TEX35: variants seen among roughly 807,000 people sequenced by gnomAD.
The protein encoded by TEX35 is testis expressed 35.
Under a neutral mutation model 31.9 loss-of-function variants are expected in TEX35, and 26 were observed. The ratio of observed to expected loss-of-function variants is 0.81; its 90% CI spans 0.60 to 1.13. The LOEUF (loss-of-function observed/expected upper bound fraction) is 1.13, where lower values mean the gene tolerates loss of function less well. Ranked by LOEUF, TEX35 falls within the 50% of genes most tolerant of loss-of-function variation. TEX35 has a pLI of 0.00. For missense variants in TEX35, 278 were observed against 273.5 expected (o/e 1.02, Z -0.12); for synonymous variants, 87 against 90.7 (o/e 0.96, Z 0.23).
chr1:178,520,684 G>C lies in TEX35; in HGVS notation c.353G>C (p.Arg118Thr), dbSNP rs763870176. The C allele has an allele frequency of 6.2e-7, 1 of 1,613,550 alleles. No individual in the cohort carries two copies. Among genetic ancestry groups the C allele is most frequent in the South Asian group, 1.1e-5 (1 of 91,030 alleles). The change falls in exon 7 of 9, where the codon AGA (arginine) becomes ACA (threonine). Residue 118 changes from arginine (R) to threonine (T), a missense_variant. By Grantham distance (71) the Arg-to-Thr change is moderately conservative. Coordinates refer to ENST00000319416, the MANE Select transcript of TEX35 (RefSeq NM_032126.5). ...CCCTCCTCCCCCAGTCCCCTTAGAAGAGCACCAAAGGAGCAGCAGGAACTC... is the reference window on the plus strand; with the variant it reads ...CCCTCCTCCCCCAGTCCCCTTAGAACAGCACCAAAGGAGCAGCAGGAACTC... Reference protein sequence around the residue: ...TQKNYKLPLRRAPKEQQELRL... With the variant: ...TQKNYKLPLRTAPKEQQELRL...
chr1:178,521,740 C>T lies in TEX35; in HGVS notation c.586+476C>T, dbSNP rs1242569361. Reference sequence around the variant, plus strand: ...AGCTCCTTAAGATGCACAGTCAGGGCTTCTTGTCCTGTTAAATACCACCCC... The same window carrying T: ...AGCTCCTTAAGATGCACAGTCAGGGTTTCTTGTCCTGTTAAATACCACCCC... On this transcript the variant is annotated intron_variant, in intron 8 of 8. Transcript: ENST00000319416. 5 of 1,551,668 alleles carry T rather than the reference C, an allele frequency of 3.2e-6. No homozygotes were observed. The African/African-American group carries it at 4.1e-5, about 13-fold the overall frequency.
At chr1:178,516,047 A>G in intron 4 of TEX35, 132 bp downstream of exon 4, 2 of 736,544 alleles carry the variant, frequency 2.7e-6, no homozygotes, top group Non-Finnish European at 4.6e-6. Context: ...TACCCAGAGC[A>G]CTTCAGTATT....
At chr1:178,513,909 A>G in intron 1 of TEX35, 118 bp from the exon 2 acceptor site, 1 of 1,193,336 alleles carries the variant, frequency 8.4e-7, no homozygotes, top group Non-Finnish European at 1.2e-6. Flanking sequence ...AGCCAGTTGG[A>G]CAGGCAGGGT....
chr1:178,523,147 C>A (rs138995697), downstream of TEX35, among the ~76,000 whole-genome samples: 1 of 152,318 alleles, frequency 6.6e-6, no homozygotes, highest in East Asian at 1.9e-4. Context: ...CTTTTTATGG[C>A]TGAATAGAAC....
intron 2 of TEX35, chr1:178,514,306 G>A: frequency 7.1e-7 from 1 of 1,399,134 alleles, no homozygotes; most frequent in East Asian, 2.5e-5. Context: ...AATCAAGACA[G>A]GGAGACATGT....
At chr1:178,515,747 T>A (rs1650051819) in intron 3 of TEX35, 112 bp from the exon 4 acceptor site, 4 of 812,742 alleles carry the variant, frequency 4.9e-6, no homozygotes, top group Non-Finnish European at 8.1e-6. Context: ...TCCTCCCTAT[T>A]GAAAGCTTTT....
intron 6 of TEX35, 43 bp downstream of exon 6, chr1:178,520,479 C>T (rs370047377): frequency 1.9e-6 from 3 of 1,610,856 alleles, no homozygotes; most frequent in Middle Eastern, 1.6e-4. Context: ...CCTAAAGGGT[C>T]TCCTCCCTTC....
chr1:178,515,673 C>T (rs186047127), intron 3 of TEX35, among the ~76,000 whole-genome samples, 186 bp from the exon 4 acceptor site: 13 of 152,316 alleles, frequency 8.5e-5, no homozygotes, highest in African/African-American at 2.6e-4. Context: ...TCCCAAAGTG[C>T]TGGGATTACA....
chr1:178,521,752 T>C, intron 8 of TEX35: 3 of 1,551,746 alleles, frequency 1.9e-6, no homozygotes, highest in Non-Finnish European at 2.6e-6. Context: ...TCTTGTCCTG[T>C]TAAATACCAC....
Position 178,522,510 on chromosome 1 carries a change from C to A in TEX35, c.*70C>A, listed in dbSNP as rs12033480. 4 of 1,430,756 alleles carry A rather than the reference C, an allele frequency of 2.8e-6. No individual in the cohort carries two copies. The African/African-American group carries it at 4.3e-5, about 15-fold the overall frequency. 88.6% of individuals were successfully genotyped at this position (1,430,756 alleles called of 1,614,324 possible). On this transcript the variant is annotated 3_prime_UTR_variant, in exon 9 of 9. Coordinates refer to ENST00000319416, the MANE Select transcript of TEX35 (RefSeq NM_032126.5). ...AAACAGTGTTTCAGAAACTGTCCTG[C>A]CCTGGGTGTGATTCTTTGGCTTCAA... is the stretch of plus-strand genomic sequence containing the variant.
At chr1:178,516,766 A>T in intron 5 of TEX35, 92 bp downstream of exon 5, 1 of 769,762 alleles carries the variant, frequency 1.3e-6, no homozygotes. Context: ...GGAGCTTATT[A>T]TCTACTAGTA....
At chr1:178,523,154 G>C, downstream of TEX35, 1 of 521,544 alleles carries the variant, frequency 1.9e-6, no homozygotes, top group African/African-American at 2.0e-5. Flanking sequence ...TGGCTGAATA[G>C]AACTCAATTG....
chr1:178,521,015 C>G (rs143268019), intron 7 of TEX35, 141 bp downstream of exon 7: 1 of 1,537,542 alleles, frequency 6.5e-7, no homozygotes, highest in Admixed American at 2.0e-5. Flanking sequence ...CCCGAGCCTG[C>G]GCCCTCCCTG....
At chr1:178,521,502 C>A in intron 8 of TEX35, 1 of 1,114,172 alleles carries the variant, frequency 9.0e-7, no homozygotes, top group Non-Finnish European at 1.3e-6. Flanking sequence ...GGGGAGGGTG[C>A]ACCACTAGTG....
chr1:178,522,319 C>G lies in TEX35; in HGVS notation c.587-6C>G, dbSNP rs558657884. Reference sequence around the variant, plus strand: ...AGGTTTCCTCTCCCTCCCTCCACCCCCAAAGGGAACATTCCTTCAGAGGCC... The same window carrying G: ...AGGTTTCCTCTCCCTCCCTCCACCCGCAAAGGGAACATTCCTTCAGAGGCC... On this transcript the variant is annotated splice_polypyrimidine_tract_variant and splice_region_variant and intron_variant, in intron 8 of 8. Coordinates refer to ENST00000319416, the MANE Select transcript of TEX35 (RefSeq NM_032126.5). 2.9e-5 allele frequency: 46 copies of G among 1,586,018 alleles called. No homozygotes were observed. The highest frequency in any genetic ancestry group is 2.1e-4 in the African/African-American group (16 of 74,588).
chr1:178,523,206 C>T, downstream of TEX35: 1 of 676,940 alleles, frequency 1.5e-6, no homozygotes, highest in Non-Finnish European at 2.7e-6. Context: ...GTTGATGACA[C>T]TTAGGTTGCT....
chr1:178,520,000 A>G (rs950272171), intron 5 of TEX35, among the ~76,000 whole-genome samples: 3 of 152,238 alleles, frequency 2.0e-5, no homozygotes, highest in African/African-American at 7.2e-5. Flanking sequence ...GGGTCAAAAC[A>G]TTGCAGTCAA....
Position 178,515,925 on chromosome 1 carries a change from T to A in TEX35, c.216+10T>A, listed in dbSNP as rs369608283. On this transcript the variant is annotated intron_variant, in intron 4 of 8. Coordinates refer to ENST00000319416, the MANE Select transcript of TEX35 (RefSeq NM_032126.5). ...GGAGGAGATAAAACAGGTAAGAAGA[T>A]GAGGCCTTCCATATCATGGAGGGAA... 6.2e-7 allele frequency: 1 copy of A among 1,606,612 alleles called. No individual in the cohort carries two copies. Among genetic ancestry groups the A allele is most frequent in the East Asian group, 2.2e-5 (1 of 44,846 alleles).
At chr1:178,521,330 G>GCTCC (rs1331364662) in intron 8 of TEX35, 66 bp downstream of exon 8, 16 of 1,567,424 alleles carry the variant, frequency 1.0e-5, no homozygotes, top group Middle Eastern at 3.3e-4. Context: ...AAGGCCATGT[G>GCTCC]CTCCCAGCCG....
Sources: allele counts gnomAD v4.1 joint callset (sites outside exome capture counted in the v4.1 genomes callset), GRCh38; gene constraint gnomAD v4.1.1; transcripts MANE v1.5; gene names NCBI Gene and HGNC (gene_info 2026-07-23, HGNC 2026-07-21).